DNAAF5: variants seen among roughly 807,000 people sequenced by gnomAD.
The protein encoded by DNAAF5 is HEAT repeat containing 2.
Under a neutral mutation model 75.8 loss-of-function variants are expected in DNAAF5, and 64 were observed. The ratio of observed to expected loss-of-function variants is 0.84; its 90% CI spans 0.69 to 1.04. The LOEUF (loss-of-function observed/expected upper bound fraction) is 1.04, where lower values mean the gene tolerates loss of function less well. Ranked by LOEUF, DNAAF5 falls within the 50% of genes least tolerant of loss-of-function variation. DNAAF5 has a pLI of 0.00. For missense variants in DNAAF5, 1,269 were observed against 1,178.5 expected (o/e 1.08, Z -1.12); for synonymous variants, 657 against 557.2 (o/e 1.18, Z -2.52).
At chr7:729,953 ACCAAATGTC>A (rs1423486366) in intron 2 of DNAAF5, 106 bp downstream of exon 2, 98 of 1,063,618 alleles carry the variant, frequency 9.2e-5, no homozygotes, top group Non-Finnish European at 1.3e-4. Context: ...TGCTGTATGC[ACCAAATGTC>A]CTTTCATTAT....
intron 8 of DNAAF5, among the ~76,000 whole-genome samples, chr7:764,973 T>C (rs973043397): frequency 1.3e-5 from 2 of 151,940 alleles, no homozygotes; most frequent in African/African-American, 4.8e-5. Context: ...AAAATACAGT[T>C]AGCCAGGCGT....
intron 4 of DNAAF5, among the ~76,000 whole-genome samples, chr7:745,806 G>A (rs1782082512): frequency 6.6e-6 from 1 of 152,226 alleles, no homozygotes; most frequent in Non-Finnish European, 1.5e-5. Flanking sequence ...GTAGGTTCCC[G>A]GAAGGGGCTT....
intron 12 of DNAAF5, among the ~76,000 whole-genome samples, chr7:783,135 C>T (rs1035673005): frequency 5.3e-5 from 8 of 152,368 alleles, no homozygotes; most frequent in East Asian, 3.9e-4. Flanking sequence ...GGACTTGGGC[C>T]GTTCACTTTC....
At chr7:767,006 G>A (rs1004585898) in intron 8 of DNAAF5, among the ~76,000 whole-genome samples, 15 of 152,078 alleles carry the variant, frequency 9.9e-5, no homozygotes, top group South Asian at 6.2e-4. Context: ...TTGGGAGGCC[G>A]AGGCAGGCAG....
Position 754,575 on chromosome 7 carries a change from CTT to C in DNAAF5, c.1025-10_1025-9del. ...TTGTGAATTTCTCATTCTTCTTTCC[CTT>C]TTTCGTTCCAGAGCGCCGCCCTGTG... On this transcript the variant is annotated splice_polypyrimidine_tract_variant and intron_variant, in intron 4 of 12. Transcript: ENST00000297440. This position sits in a 1 kb window ranked among gnomAD's most constrained non-coding sequence, Gnocchi z 4.8. 6.2e-7 allele frequency: 1 copy of C among 1,604,758 alleles called. No homozygotes were observed. The highest frequency in any genetic ancestry group is 8.5e-7 in the Non-Finnish European group (1 of 1,172,578).
Position 775,071 on chromosome 7 carries a change from G to A in DNAAF5, c.2148G>A (p.Met716Ile), listed in dbSNP as rs753587295. 3 of 1,614,120 alleles carry A rather than the reference G, an allele frequency of 1.9e-6. No homozygotes were observed. The highest frequency in any genetic ancestry group is 8.5e-7 in the Non-Finnish European group (1 of 1,180,016). The change falls in exon 11 of 13, where the codon ATG (methionine) becomes ATA (isoleucine). Residue 716 changes from methionine to isoleucine, a missense_variant. Coordinates refer to ENST00000297440, the MANE Select transcript of DNAAF5 (RefSeq NM_017802.4). ...CCACCCTGGAGGAGGATTCGAAGAT[G>A]ACGCGACTGATCTCATGCCGTATTA... The part of the protein sequence containing the change: ...VLTTLEEDSK[M>I]TRLISCRIIN...
intron 12 of DNAAF5, among the ~76,000 whole-genome samples, chr7:780,922 A>G (rs1177122280): frequency 6.7e-6 from 1 of 150,316 alleles, no homozygotes; most frequent in Non-Finnish European, 1.5e-5. Context: ...GTGGGTACAC[A>G]TAGGTGTATA....
Position 741,361 on chromosome 7 carries a change from G to A in DNAAF5, c.920G>A (p.Ser307Asn). The A allele has an allele frequency of 6.3e-7, 1 of 1,588,892 alleles. No homozygotes were observed. The highest frequency in any genetic ancestry group is 8.6e-7 in the Non-Finnish European group (1 of 1,168,856). ...EVPEVRQLAASLWEDVGLQWQ... is the reference protein window; with the variant it reads ...EVPEVRQLAANLWEDVGLQWQ... ...TTGTGCCTCAGGCAGCTGGCTGCCA[G>A]CCTCTGGGAGGACGTTGGCCTGCAG... The change falls in exon 4 of 13, where the codon AGC becomes AAC. Residue 307 changes from serine to asparagine, a missense_variant. Transcript: ENST00000297440.
At chr7:728,499 T>C (rs1781444598) in intron 1 of DNAAF5, among the ~76,000 whole-genome samples, 1 of 152,212 alleles carries the variant, frequency 6.6e-6, no homozygotes, top group Non-Finnish European at 1.5e-5. Flanking sequence ...TGCCGAGATT[T>C]CCACGTTGGT....
intron 8 of DNAAF5, chr7:768,943 C>T (rs1018182490): frequency 1.9e-5 from 11 of 571,542 alleles, no homozygotes; most frequent in Non-Finnish European, 3.5e-5. Context: ...TGGCCCAAGA[C>T]TCGTGCTCTG....
At chr7:779,473 G>C (rs754689996) in intron 11 of DNAAF5, among the ~76,000 whole-genome samples, 43 of 152,220 alleles carry the variant, frequency 2.8e-4, no homozygotes, top group Non-Finnish European at 2.5e-4. Flanking sequence ...CCATCGGGAA[G>C]GATCATCCTT....
rs1286344672 is a variant in DNAAF5, at chr7:780,160, C to T, written c.2431+16C>T. 6.8e-6 allele frequency: 11 copies of T among 1,610,312 alleles called. No homozygotes were observed. The Admixed American group carries it at 1.5e-4, about 22-fold the overall frequency. ...GCAATTTTAGGTGAGACTCCGACGG[C>T]TTGGCCTTCGTTCCGATGCCTGCTT... On this transcript the variant is annotated intron_variant, in intron 12 of 12. Coordinates refer to ENST00000297440, the MANE Select transcript of DNAAF5 (RefSeq NM_017802.4).
At chr7:739,601 A>G (rs961589628) in intron 2 of DNAAF5, among the ~76,000 whole-genome samples, 2 of 152,196 alleles carry the variant, frequency 1.3e-5, no homozygotes, top group Admixed American at 6.5e-5. Context: ...GCACGCCGAG[A>G]GTCGCCTGTG....
At chr7:731,590 G>A (rs1467891340) in intron 2 of DNAAF5, among the ~76,000 whole-genome samples, 1 of 152,228 alleles carries the variant, frequency 6.6e-6, no homozygotes, top group Admixed American at 6.5e-5. Context: ...CCAACCTGCG[G>A]CCCGTGGGCC....
At chr7:783,975 T>C in intron 12 of DNAAF5, among the ~76,000 whole-genome samples, 1 of 150,190 alleles carries the variant, frequency 6.7e-6, no homozygotes. Flanking sequence ...GGCCATTCTT[T>C]CTCCTGTCTT....
intron 11 of DNAAF5, among the ~76,000 whole-genome samples, chr7:778,921 A>G (rs923828706): frequency 4.1e-4 from 63 of 152,268 alleles, no homozygotes; most frequent in South Asian, 2.1e-4. Context: ...GGGCTGCTTC[A>G]GGGTTTGGCA....
At chr7:784,845 C>G (rs976649955) in intron 12 of DNAAF5, among the ~76,000 whole-genome samples, 14 of 152,326 alleles carry the variant, frequency 9.2e-5, no homozygotes, top group South Asian at 4.1e-4. Context: ...TGCAGGACAT[C>G]ATTTCATGGT....
At chr7:779,829 G>A (rs1778876578) in intron 11 of DNAAF5, 124 bp from the exon 12 acceptor site, 5 of 780,230 alleles carry the variant, frequency 6.4e-6, no homozygotes, top group Admixed American at 2.7e-5. Flanking sequence ...CTCCCGTGAG[G>A]TGTGGGTTTC....
intron 12 of DNAAF5, among the ~76,000 whole-genome samples, chr7:782,819 T>C (rs974672991): frequency 5.3e-5 from 8 of 150,776 alleles, no homozygotes; most frequent in African/African-American, 1.7e-4. Context: ...CTTCCTGCCA[T>C]GGCCACCTCC....
Sources: gnomAD v4.1 joint callset for allele counts (sites outside exome capture counted in the v4.1 genomes callset) on GRCh38, gnomAD v4.1.1 for gene constraint, Gnocchi (gnomAD v3.1) non-coding constraint, MANE v1.5 for transcripts, NCBI Gene and HGNC (gene_info 2026-07-23, HGNC 2026-07-21) for gene names.